The following FRMPD1 variants were observed in gnomAD, a reference collection of about 807,000 sequenced individuals.
FRMPD1 encodes the protein FERM and PDZ domain-containing protein 1.
FRMPD1 carries 76 observed loss-of-function variants against 117.8 expected under a neutral mutation model. The observed-to-expected ratio is 0.65, with a 90% CI of 0.54 to 0.78. The LOEUF is 0.78. Ranked by LOEUF, FRMPD1 falls within the 30% of genes least tolerant of loss-of-function variation. The pLI is 0.00. For synonymous variants in FRMPD1, 783 were observed against 770.4 expected, an observed-to-expected ratio of 1.02 and a Z score of -0.27; for missense variants, 1,786 against 1,964.5, an observed-to-expected ratio of 0.91 and a Z score of 1.72.
intron 9 of FRMPD1, 102 bp from the exon 10 acceptor site, chr9:37,732,202 C>T: frequency 8.0e-7 from 1 of 1,255,446 alleles, no homozygotes; most frequent in Non-Finnish European, 1.1e-6. Context: ...AGAGCCAGCT[C>T]TCAAAGCGGA....
chr9:37,720,515 A>T (rs1191744474), intron 6 of FRMPD1, among the ~76,000 whole-genome samples: 1 of 152,086 alleles, frequency 6.6e-6, no homozygotes, highest in East Asian at 1.9e-4. Flanking sequence ...AATACAAAAA[A>T]TTAGCCGGGC....
At chr9:37,656,644 ATTTGT>A (rs567245632) in intron 1 of FRMPD1, among the ~76,000 whole-genome samples, 71 of 152,216 alleles carry the variant, frequency 4.7e-4, no homozygotes, top group African/African-American at 1.6e-3. Context: ...AGTGGATTAA[ATTTGT>A]TTTGGTAATT....
intron 1 of FRMPD1, among the ~76,000 whole-genome samples, chr9:37,665,934 G>C (rs1224902686): frequency 1.3e-5 from 2 of 152,234 alleles, no homozygotes; most frequent in African/African-American, 2.4e-5. Flanking sequence ...TCCTGTGGAC[G>C]TAACATTAGT....
At position 37,711,342 on chromosome 9, in the gene FRMPD1, T is replaced by C. The variant is rs778401573; in HGVS notation, c.363-8T>C. On this transcript the variant is annotated splice_polypyrimidine_tract_variant and splice_region_variant and intron_variant, in intron 4 of 15. Coordinates refer to ENST00000377765, the MANE Select transcript of FRMPD1 (RefSeq NM_014907.3). ...AAATGTTTTTGTCTTTATTCTTTCT[T>C]TTTTCAGGGAAGCAGAAGATTCTCT... is the stretch of plus-strand genomic sequence containing the variant. The C allele has an allele frequency of 3.2e-5, 51 of 1,599,870 alleles. No homozygotes were observed. The highest frequency in any genetic ancestry group is 1.7e-4 in the Middle Eastern group (1 of 6,056).
In FRMPD1 at chr9:37,740,228, A is replaced by G. The variant is rs755110560; in HGVS notation, c.1700A>G (p.Glu567Gly). ...EQPPGNSPTP[E>G]VARRGPSTCG... The stretch of plus-strand genomic sequence containing the variant: ...CCTCCTGGGAACAGCCCCACACCTG[A>G]GGTGGCTAGGAGGGGCCCCAGCACC... The change falls in exon 15 of 16, where the codon GAG becomes GGG. Residue 567 changes from glutamate (E) to glycine (G), a missense_variant. Transcript: ENST00000377765. This position sits in a 1 kb window ranked among gnomAD's most constrained non-coding sequence, Gnocchi z 4.2. 6.2e-7 allele frequency: 1 copy of G among 1,613,950 alleles called. No homozygotes were observed. Among genetic ancestry groups the G allele is most frequent in the Non-Finnish European group, 8.5e-7 (1 of 1,179,972 alleles).
intron 2 of FRMPD1, among the ~76,000 whole-genome samples, chr9:37,701,386 A>G (rs567195698): frequency 2.0e-5 from 3 of 152,194 alleles, no homozygotes; most frequent in Non-Finnish European, 4.4e-5. Context: ...CTGTAGGTAC[A>G]TTTTGTAGGA....
chr9:37,662,616 T>C (rs563461232), intron 1 of FRMPD1, among the ~76,000 whole-genome samples: 1 of 152,294 alleles, frequency 6.6e-6, no homozygotes, highest in South Asian at 2.1e-4. Flanking sequence ...TATCTAGAAA[T>C]GTTTGTTACT....
chr9:37,682,173 T>A (rs189267508), intron 1 of FRMPD1, among the ~76,000 whole-genome samples: 1 of 152,334 alleles, frequency 6.6e-6, no homozygotes, highest in Admixed American at 6.5e-5. Flanking sequence ...AGGAGAAGAA[T>A]GGGCCTTGGG....
chr9:37,622,819 G>A, the FRMPD1 span, among the ~76,000 whole-genome samples: 17 of 151,938 alleles, frequency 1.1e-4, no homozygotes, highest in African/African-American at 3.4e-4. Flanking sequence ...GATAGGAAAT[G>A]AGAAAAAAGT....
At chr9:37,679,173 T>C (rs1178836615) in intron 1 of FRMPD1, among the ~76,000 whole-genome samples, 1 of 152,230 alleles carries the variant, frequency 6.6e-6, no homozygotes, top group African/African-American at 2.4e-5. Flanking sequence ...GTTTGTTGGG[T>C]GACAAACATC....
rs1821550916 is a variant in FRMPD1, at chr9:37,676,951, C to T, written c.-4-15687C>T. Among the ~76,000 whole-genome samples the T allele has an allele frequency of 3.3e-5, 5 of 152,196 alleles. No homozygotes were observed. The South Asian group carries it at 1.0e-3, about 32-fold the overall frequency. On this transcript the variant is annotated intron_variant, in intron 1 of 15. Coordinates refer to ENST00000377765, the MANE Select transcript of FRMPD1 (RefSeq NM_014907.3). The stretch of plus-strand genomic sequence containing the variant: ...AGGGCAAGGGCTGTGTCTGCTTAAT[C>T]TTGATCTCCTCTACCACACTCAGCA...
At chr9:37,702,299 C>T (rs971553947) in intron 2 of FRMPD1, among the ~76,000 whole-genome samples, 10 of 152,268 alleles carry the variant, frequency 6.6e-5, no homozygotes, top group South Asian at 2.1e-4. Context: ...TGATGCTTCC[C>T]GTGAGCAAAG....
At chr9:37,699,587 T>A (rs1329732255) in intron 2 of FRMPD1, among the ~76,000 whole-genome samples, 1 of 152,168 alleles carries the variant, frequency 6.6e-6, no homozygotes, top group Non-Finnish European at 1.5e-5. Flanking sequence ...CCCAAAGTGT[T>A]AGGATTACAG....
At chr9:37,624,576 A>C in the FRMPD1 span, among the ~76,000 whole-genome samples, 10 of 152,232 alleles carry the variant, frequency 6.6e-5, no homozygotes, top group Admixed American at 6.5e-4. Context: ...TAAATAATGA[A>C]GGGTGAGGGG....
At chr9:37,671,687 C>T (rs1006569993) in intron 1 of FRMPD1, among the ~76,000 whole-genome samples, 3 of 152,150 alleles carry the variant, frequency 2.0e-5, no homozygotes, top group African/African-American at 4.8e-5. Flanking sequence ...TAATTGGGGG[C>T]TGGCACAGTG....
Position 37,707,553 on chromosome 9 carries a change from C to G in FRMPD1, c.239C>G (p.Thr80Arg), listed in dbSNP as rs1822758529. ...CACATTTCTGAGAGCCTTCCCCTTA[C>G]AGTGGTGGCTGTCACAGCAGGTAGG... is the stretch of plus-strand genomic sequence containing the variant. ...GFHISESLPL[T>R]VVAVTAGGSA... Residue 80 changes from threonine (T) to arginine (R), a missense_variant, in exon 3 of 16, where the codon ACA becomes AGA. Coordinates refer to ENST00000377765, the MANE Select transcript of FRMPD1 (RefSeq NM_014907.3). 2 of 1,613,782 alleles carry G rather than the reference C, an allele frequency of 1.2e-6. No homozygotes were observed. Among genetic ancestry groups the G allele is most frequent in the Non-Finnish European group, 1.7e-6 (2 of 1,179,770 alleles).
chr9:37,608,768 TAAG>T, the FRMPD1 span, among the ~76,000 whole-genome samples: 1 of 152,188 alleles, frequency 6.6e-6, no homozygotes, highest in East Asian at 1.9e-4. Context: ...TAAATTTCAA[TAAG>T]AATAATAGCT....
intron 7 of FRMPD1, among the ~76,000 whole-genome samples, chr9:37,727,434 G>T (rs1338755804): frequency 1.3e-5 from 2 of 152,146 alleles, no homozygotes; most frequent in Admixed American, 6.5e-5. Context: ...GGCTGGATTT[G>T]CTCCACAGGC....
At chr9:37,612,807 T>A in the FRMPD1 span, among the ~76,000 whole-genome samples, 2 of 152,228 alleles carry the variant, frequency 1.3e-5, no homozygotes, top group Non-Finnish European at 2.9e-5. Flanking sequence ...CAAAGTATTT[T>A]AAAGGATTTG....
Sources: allele counts gnomAD v4.1 joint callset (sites outside exome capture counted in the v4.1 genomes callset), GRCh38; gene constraint gnomAD v4.1.1; non-coding constraint Gnocchi (gnomAD v3.1); transcripts MANE v1.5; gene names NCBI Gene and HGNC (gene_info 2026-07-23, HGNC 2026-07-21).